The following ARHGAP15 variants were observed in gnomAD, a reference collection of about 807,000 sequenced individuals.
ARHGAP15 encodes Rho GTPase activating protein 15, also known as rho GTPase-activating protein 15.
A neutral mutation model predicts 63.7 loss-of-function variants in ARHGAP15; 51 were observed. The ratio of observed to expected loss-of-function variants is 0.80; its 90% confidence interval spans 0.64 to 1.01. ARHGAP15 has a LOEUF of 1.01. Among genes scored for constraint, ARHGAP15 ranks in the 50% least tolerant of loss-of-function variants. The pLI, the probability that ARHGAP15 is intolerant of heterozygous loss-of-function variation, is 0.00. For missense variants in ARHGAP15, 560 were observed against 564.6 expected (o/e 0.99, Z 0.08); for synonymous variants, 191 against 193.8 (o/e 0.99, Z 0.12).
At chr2:143,385,374 C>T (rs1224766973) in intron 6 of ARHGAP15, among the ~76,000 whole-genome samples, 1 of 152,132 alleles carries the variant, frequency 6.6e-6, no homozygotes, top group East Asian at 1.9e-4. Context: ...GACCACTCAA[C>T]TTTTAGAGTG....
At chr2:143,440,741 C>A (rs1689837719) in intron 8 of ARHGAP15, among the ~76,000 whole-genome samples, 1 of 152,032 alleles carries the variant, frequency 6.6e-6, no homozygotes, top group South Asian at 2.1e-4. Context: ...AGACAAGAAG[C>A]CAGAAAATTT....
chr2:143,337,186 T>C (rs1449322033), intron 6 of ARHGAP15, among the ~76,000 whole-genome samples: 2 of 152,070 alleles, frequency 1.3e-5, no homozygotes, highest in African/African-American at 4.8e-5. Flanking sequence ...TGTGCAAAAG[T>C]GCTGTGAAGA....
At chr2:143,602,184 ACAC>A (rs1697798408) in intron 11 of ARHGAP15, among the ~76,000 whole-genome samples, 1 of 152,216 alleles carries the variant, frequency 6.6e-6, no homozygotes, top group Non-Finnish European at 1.5e-5. Context: ...GTTGTCATGT[ACAC>A]GTTACAAAAA....
At chr2:143,757,128 T>G (rs1434532625) in intron 13 of ARHGAP15, among the ~76,000 whole-genome samples, 1 of 151,598 alleles carries the variant, frequency 6.6e-6, no homozygotes, top group Non-Finnish European at 1.5e-5. Flanking sequence ...TTCTCTTACG[T>G]CTAAACAAAA....
intron 8 of ARHGAP15, among the ~76,000 whole-genome samples, chr2:143,457,410 G>A (rs1335498607): frequency 6.6e-6 from 1 of 151,856 alleles, no homozygotes; most frequent in African/African-American, 2.4e-5. Context: ...GCTGGACATG[G>A]TAGCATGCAC....
chr2:143,746,222 TCA>T (rs973175998), intron 13 of ARHGAP15, among the ~76,000 whole-genome samples: 4 of 152,144 alleles, frequency 2.6e-5, no homozygotes, highest in Non-Finnish European at 4.4e-5. Flanking sequence ...TAAAGTAATT[TCA>T]CACTCTCATA....
intron 2 of ARHGAP15, among the ~76,000 whole-genome samples, chr2:143,196,612 T>C (rs528713623): frequency 3.4e-4 from 51 of 152,000 alleles, no homozygotes; most frequent in African/African-American, 1.2e-3. Flanking sequence ...TTCTAAAATA[T>C]TGCAAGTAAA....
intron 2 of ARHGAP15, among the ~76,000 whole-genome samples, chr2:143,175,749 G>T (rs979086272): frequency 6.6e-6 from 1 of 151,936 alleles, no homozygotes; most frequent in Admixed American, 6.6e-5. Flanking sequence ...TTTGGGGGAG[G>T]CCTCTCTAAC....
At chr2:143,373,489 G>T (rs968716047) in intron 6 of ARHGAP15, among the ~76,000 whole-genome samples, 1 of 151,952 alleles carries the variant, frequency 6.6e-6, no homozygotes, top group Non-Finnish European at 1.5e-5. Flanking sequence ...AATTAGCTGG[G>T]AGTGGTGGAG....
At chr2:143,454,487 C>T (rs1465786132) in intron 8 of ARHGAP15, among the ~76,000 whole-genome samples, 1 of 152,030 alleles carries the variant, frequency 6.6e-6, no homozygotes, top group African/African-American at 2.4e-5. Context: ...TGGAGTAAAG[C>T]TCCTCATCTA....
Position 143,673,722 on chromosome 2 carries a change from TTGTGTGTG to T in ARHGAP15, c.1139-29667_1139-29660del, listed in dbSNP as rs70982878. 2.0e-3 allele frequency among the ~76,000 whole-genome samples: 111 copies of T among 54,616 alleles called. 6 individuals are homozygous for T. Among genetic ancestry groups the T allele is most frequent in the East Asian group, 4.1e-3 (5 of 1,226 alleles). 35.8% of individuals were successfully genotyped at this position (54,616 alleles called of 152,430 possible). On this transcript the variant is annotated intron_variant, in intron 12 of 13. Transcript: ENST00000295095. ...ACAAATATCTGATAAAGGCCTTATATTGTGTGTGTGTGTGTGTGTGTGTGTGTGTGTGT... is the reference window on the plus strand; with the variant it reads ...ACAAATATCTGATAAAGGCCTTATATTGTGTGTGTGTGTGTGTGTGTGTGT...
intron 13 of ARHGAP15, among the ~76,000 whole-genome samples, chr2:143,754,640 C>T (rs930427971): frequency 3.3e-5 from 5 of 152,198 alleles, no homozygotes; most frequent in Admixed American, 1.3e-4. Context: ...GATCCTCAAG[C>T]CTTCTAACAG....
intron 8 of ARHGAP15, among the ~76,000 whole-genome samples, chr2:143,466,234 T>C (rs1182185170): frequency 6.6e-6 from 1 of 152,034 alleles, no homozygotes; most frequent in African/African-American, 2.4e-5. Flanking sequence ...GACAAATTAT[T>C]TGGGCCAAAC....
At chr2:143,506,518 T>C (rs1693331979) in intron 9 of ARHGAP15, among the ~76,000 whole-genome samples, 1 of 152,176 alleles carries the variant, frequency 6.6e-6, no homozygotes, top group Admixed American at 6.6e-5. Flanking sequence ...ATTCAAAGTA[T>C]GTAAAGAACA....
At chr2:143,563,884 A>G (rs962698320) in intron 11 of ARHGAP15, 1 of 152,284 alleles carries the variant, frequency 6.6e-6, no homozygotes, top group African/African-American at 2.4e-5. Context: ...GCCTAACCAT[A>G]TTACTGCCAA....
In ARHGAP15 at chr2:143,750,069, A is replaced by T. The variant is rs78921656; in HGVS notation, c.1245-17920A>T. The stretch of plus-strand genomic sequence containing the variant: ...TATTAAAAGCCTGAGCCAGAGTGGA[A>T]AACCAGTGAGTTCTAATCTCCCTTT... On this transcript the variant is annotated intron_variant, in intron 13 of 13. Transcript: ENST00000295095. Among the ~76,000 whole-genome samples, 565 of 152,360 alleles carry T rather than the reference A, an allele frequency of 3.7e-3. 2 individuals are homozygous for T. The highest frequency in any genetic ancestry group is 0.013 in the African/African-American group (527 of 41,574).
intron 6 of ARHGAP15, among the ~76,000 whole-genome samples, chr2:143,368,711 G>A (rs1329266921): frequency 6.6e-6 from 1 of 152,104 alleles, no homozygotes; most frequent in Non-Finnish European, 1.5e-5. Context: ...GAGAACTTGA[G>A]GACACTTAGG....
chr2:143,133,887 G>T (rs537603840), intron 1 of ARHGAP15, among the ~76,000 whole-genome samples: 2 of 152,062 alleles, frequency 1.3e-5, no homozygotes, highest in South Asian at 4.2e-4. Flanking sequence ...TAACATAACT[G>T]CACGCACCTC....
At chr2:143,303,737 T>G (rs921665036) in intron 6 of ARHGAP15, among the ~76,000 whole-genome samples, 16 of 151,976 alleles carry the variant, frequency 1.1e-4, no homozygotes, top group African/African-American at 3.9e-4. Flanking sequence ...ATATCCAGAA[T>G]CTACAAAGAA....
Sources: allele counts gnomAD v4.1 joint callset (sites outside exome capture counted in the v4.1 genomes callset), GRCh38; gene constraint gnomAD v4.1.1; transcripts MANE v1.5; gene names NCBI Gene and HGNC (gene_info 2026-07-23, HGNC 2026-07-21).